DAB1: variants seen among roughly 807,000 people sequenced by gnomAD.
The protein encoded by DAB1 is DAB adaptor protein 1, also known as disabled homolog 1.
DAB1 carries 15 observed loss-of-function variants against 64.6 expected under a neutral mutation model. The observed-to-expected ratio is 0.23, with a 90% CI of 0.16 to 0.36. DAB1 has a LOEUF of 0.36. Ranked by LOEUF, DAB1 falls within the 10% of genes least tolerant of loss-of-function variation. The pLI is 1.00. For missense variants in DAB1, 596 were observed against 706.7 expected, an observed-to-expected ratio of 0.84 and a Z score of 1.78; for synonymous variants, 235 against 251.9, an observed-to-expected ratio of 0.93 and a Z score of 0.64.
At chr1:57,429,719 T>C (rs1685426768) in intron 7 of DAB1, among the ~76,000 whole-genome samples, 1 of 152,216 alleles carries the variant, frequency 6.6e-6, no homozygotes, top group Non-Finnish European at 1.5e-5. Context: ...CATGCAGTTT[T>C]CCCAACACCA....
At position 57,025,970 on chromosome 1, in the gene DAB1, T is replaced by G. The variant is rs1646772013; in HGVS notation, c.786+11A>C. 1.3e-6 allele frequency: 2 copies of G among 1,568,240 alleles called. No individual in the cohort carries two copies. Among genetic ancestry groups the G allele is most frequent in the Non-Finnish European group, 1.7e-6 (2 of 1,160,674 alleles). ...TCAGAGAGCAGGGTTCAGAGAGCAA[T>G]GCATACTTACGGGGGGAGAGGTTAT... On this transcript the variant is annotated intron_variant, in intron 10 of 14. Transcript: ENST00000371236.
At position 58,171,670 on chromosome 1, in the gene DAB1, C is replaced by T. The variant is rs1406314358; in HGVS notation, n.310-21082G>A. On this transcript the variant is annotated intron_variant and non_coding_transcript_variant, in intron 4 of 20. Transcript: ENST00000485760. The stretch of plus-strand genomic sequence containing the variant: ...ACACATCCCAACTTACATGGATGGT[C>T]TTGTCCCAAGGGTTTAGGGATAGCC... Among the ~76,000 whole-genome samples, 4 of 152,228 alleles carry T rather than the reference C, an allele frequency of 2.6e-5. No homozygotes were observed. In the East Asian group the frequency reaches 7.7e-4, roughly 29 times the overall value.
At chr1:57,502,009 G>A (rs1644294162) in intron 7 of DAB1, among the ~76,000 whole-genome samples, 1 of 152,050 alleles carries the variant, frequency 6.6e-6, no homozygotes, top group African/African-American at 2.4e-5. Context: ...CAGTACCGGA[G>A]AGGACTCAGG....
chr1:57,439,780 C>T (rs1488993317), intron 7 of DAB1, among the ~76,000 whole-genome samples: 1 of 152,000 alleles, frequency 6.6e-6, no homozygotes, highest in East Asian at 1.9e-4. Flanking sequence ...CAGTAAAAAG[C>T]TACACATGAA....
At chr1:58,219,384 A>T (rs1659038036) in intron 4 of DAB1, among the ~76,000 whole-genome samples, 1 of 152,206 alleles carries the variant, frequency 6.6e-6, no homozygotes, top group African/African-American at 2.4e-5. Context: ...ATCCTTGACA[A>T]GCACACATCT....
chr1:58,422,966 G>C (rs984910263), intron 3 of DAB1, among the ~76,000 whole-genome samples: 1 of 152,182 alleles, frequency 6.6e-6, no homozygotes, highest in Non-Finnish European at 1.5e-5. Context: ...GAGACTCTGA[G>C]ATAGGTAAGT....
intron 5 of DAB1, among the ~76,000 whole-genome samples, chr1:57,939,194 G>A (rs1007340908): frequency 6.6e-6 from 1 of 152,094 alleles, no homozygotes; most frequent in Non-Finnish European, 1.5e-5. Context: ...CAGAGAGACA[G>A]AGAAAGAAAG....
Position 57,011,137 on chromosome 1 carries a change from T to G in DAB1, c.1572+8A>C, listed in dbSNP as rs576614518. 1 of 1,613,818 alleles carries G rather than the reference T, an allele frequency of 6.2e-7. No homozygotes were observed. ...AAAACACAAACAAATAACAAACTGG[T>G]CACTTACAGCTTCTTGCTCTTCGCT... On this transcript the variant is annotated splice_region_variant and intron_variant, in intron 13 of 14. Coordinates refer to ENST00000371236, the MANE Select transcript of DAB1 (RefSeq NM_001365792.1).
intron 7 of DAB1, among the ~76,000 whole-genome samples, chr1:57,603,441 T>G (rs2101588320): frequency 6.6e-6 from 1 of 152,338 alleles, no homozygotes; most frequent in Non-Finnish European, 1.5e-5. Context: ...TCTACAGCTC[T>G]TCTGTCAGAT....
chr1:58,491,765 C>CAAGT (rs1645695926), intron 3 of DAB1, among the ~76,000 whole-genome samples: 1 of 152,196 alleles, frequency 6.6e-6, no homozygotes, highest in African/African-American at 2.4e-5. Context: ...ATTCATAAAG[C>CAAGT]AAGTCCTTAG....
At chr1:57,922,845 C>CG (rs1553143740) in intron 5 of DAB1, among the ~76,000 whole-genome samples, 3 of 45,010 alleles carry the variant, frequency 6.7e-5, no homozygotes, top group African/African-American at 3.4e-4. Flanking sequence ...GACTCCATCT[C>CG]AAAAAAAAAA....
intron 7 of DAB1, among the ~76,000 whole-genome samples, chr1:57,564,620 G>C (rs931164298): frequency 6.6e-6 from 1 of 152,192 alleles, no homozygotes; most frequent in Admixed American, 6.5e-5. Flanking sequence ...CATGGCACGA[G>C]AACTACCTGA....
chr1:57,295,962 T>G (rs1207527602), intron 1 of DAB1, among the ~76,000 whole-genome samples: 1 of 152,092 alleles, frequency 6.6e-6, no homozygotes, highest in Non-Finnish European at 1.5e-5. Context: ...GAGAAAAAAC[T>G]TTATCAAATA....
rs569969087 is a variant in DAB1 at position 58,388,142 on chromosome 1, A to C, written n.258-44739T>G. Reference sequence around the variant, plus strand: ...TCAGGAAGGTAAGAAGATCAGAAAGACAGGGAGGAGAGGGAAGATTAGAGT... The same window carrying C: ...TCAGGAAGGTAAGAAGATCAGAAAGCCAGGGAGGAGAGGGAAGATTAGAGT... On this transcript the variant is annotated intron_variant and non_coding_transcript_variant, in intron 3 of 20. Coordinates refer to the DAB1 transcript ENST00000485760. 2.0e-5 allele frequency among the ~76,000 whole-genome samples: 3 copies of C among 152,310 alleles called. No homozygotes were observed. The South Asian group carries it at 6.2e-4, about 32-fold the overall frequency.
chr1:58,276,387 A>T (rs1377613974), intron 4 of DAB1, among the ~76,000 whole-genome samples: 2 of 152,182 alleles, frequency 1.3e-5, no homozygotes, highest in Non-Finnish European at 2.9e-5. Context: ...CTCTGTTCCT[A>T]AAAGAGTGCT....
chr1:57,689,458 G>A (rs183859135), intron 6 of DAB1, among the ~76,000 whole-genome samples: 13 of 152,276 alleles, frequency 8.5e-5, no homozygotes, highest in South Asian at 2.1e-4. Context: ...GTGTGAAAAG[G>A]AAGATTCCAT....
chr1:57,682,949 C>T (rs771741446), intron 6 of DAB1, among the ~76,000 whole-genome samples: 3 of 152,182 alleles, frequency 2.0e-5, no homozygotes, highest in Non-Finnish European at 2.9e-5. Context: ...GGAATGAGTA[C>T]ACAGGACAGC....
chr1:58,141,361 T>C lies in DAB1; in HGVS notation n.387+9150A>G, dbSNP rs1654273271. 2.0e-5 allele frequency among the ~76,000 whole-genome samples: 3 copies of C among 151,974 alleles called. No homozygotes were observed. In the South Asian group the frequency reaches 6.2e-4, roughly 32 times the overall value. On this transcript the variant is annotated intron_variant and non_coding_transcript_variant, in intron 5 of 20. Coordinates refer to the DAB1 transcript ENST00000485760. The stretch of plus-strand genomic sequence containing the variant: ...CTGCCCTTTATAAAACCATCAGATC[T>C]CGTGAGACTTATTCACTATCACGAG...
chr1:57,844,537 A>G (rs1258339197), intron 1 of DAB1, among the ~76,000 whole-genome samples: 2 of 152,202 alleles, frequency 1.3e-5, no homozygotes, highest in Non-Finnish European at 2.9e-5. Context: ...GACGTCTGCC[A>G]GAGTGATTCA....
Sources: gnomAD v4.1 joint callset for allele counts (sites outside exome capture counted in the v4.1 genomes callset) on GRCh38, gnomAD v4.1.1 for gene constraint, MANE v1.5 for transcripts, NCBI Gene and HGNC (gene_info 2026-07-23, HGNC 2026-07-21) for gene names.